Variants in SORCS3 observed in about 807,000 individuals in gnomAD.
SORCS3 encodes the protein VPS10 domain-containing receptor SorCS3.
SORCS3 carries 57 observed loss-of-function variants against 146.3 expected under a neutral mutation model. The ratio of observed to expected loss-of-function variants is 0.39; its 90% CI spans 0.31 to 0.49. The LOEUF is 0.49. Ranked by LOEUF, SORCS3 falls within the 20% of genes least tolerant of loss-of-function variation. The probability of loss-of-function intolerance (pLI) is 0.92; values close to 1 mark genes in which losing one functional copy is unlikely to be tolerated. For missense variants in SORCS3, 1,341 were observed against 1,575.5 expected (o/e 0.85, Z 2.52); for synonymous variants, 653 against 618.5 (o/e 1.06, Z -0.83).
chr10:104,954,515 G>T (rs2019466630), intron 3 of SORCS3, among the ~76,000 whole-genome samples: 1 of 152,048 alleles, frequency 6.6e-6, no homozygotes, highest in Non-Finnish European at 1.5e-5. Flanking sequence ...AGCATGAGGG[G>T]GCCTCTGCTT....
rs1458126825 is a variant in SORCS3, at chr10:105,158,919, C to A, written c.1657C>A (p.Gln553Lys). 1 of 1,612,982 alleles carries A rather than the reference C, an allele frequency of 6.2e-7. No individual in the cohort carries two copies. Among genetic ancestry groups the A allele is most frequent in the Non-Finnish European group, 8.5e-7 (1 of 1,179,164 alleles). ...CTTCTGTTCCTTACATCTGCACCTG[C>A]AACTCTCTGAAAATCCATATTCCTC... is the stretch of plus-strand genomic sequence containing the variant. ...LPFCSLHLHL[Q>K]LSENPYSSGR... The change falls in exon 11 of 27, where the codon CAA becomes AAA. Residue 553 changes from glutamine to lysine, a missense_variant. Coordinates refer to ENST00000369701, the MANE Select transcript of SORCS3 (RefSeq NM_014978.3).
intron 6 of SORCS3, among the ~76,000 whole-genome samples, chr10:105,091,280 CTTGCTTCCTTCCTTCCT>C (rs199769195): frequency 3.0e-4 from 28 of 93,870 alleles, no homozygotes; most frequent in East Asian, 1.1e-3. Flanking sequence ...TCCTTCCTTC[CTTGCTTCCTTCCTTCCT>C]TCCCTCCTTC....
chr10:104,762,619 A>G (rs1036992104), intron 1 of SORCS3, among the ~76,000 whole-genome samples: 3 of 152,148 alleles, frequency 2.0e-5, no homozygotes, highest in African/African-American at 7.2e-5. Flanking sequence ...CGAGGGAAGG[A>G]CCTGATGGGA....
intron 2 of SORCS3, among the ~76,000 whole-genome samples, chr10:104,875,098 T>C (rs1225017278): frequency 6.6e-6 from 1 of 152,138 alleles, no homozygotes; most frequent in Non-Finnish European, 1.5e-5. Flanking sequence ...ACATGTCTTA[T>C]CTTCCTTAAA....
intron 25 of SORCS3, among the ~76,000 whole-genome samples, chr10:105,260,445 A>G (rs186762966): frequency 1.6e-4 from 25 of 152,318 alleles, no homozygotes; most frequent in Admixed American, 1.6e-3. Flanking sequence ...ACATTTAGAG[A>G]GCCTAGTGTG....
chr10:104,806,058 G>T (rs1487662374), intron 1 of SORCS3, among the ~76,000 whole-genome samples: 1 of 152,076 alleles, frequency 6.6e-6, no homozygotes, highest in African/African-American at 2.4e-5. Flanking sequence ...AATATTTTTG[G>T]CCACTTTTTT....
intron 2 of SORCS3, among the ~76,000 whole-genome samples, chr10:104,873,433 A>G (rs1044671717): frequency 6.6e-6 from 1 of 152,228 alleles, no homozygotes; most frequent in African/African-American, 2.4e-5. Flanking sequence ...GAACACAGGC[A>G]ATCAACAGCC....
chr10:104,710,632 C>T (rs1250348221), intron 1 of SORCS3, among the ~76,000 whole-genome samples: 1 of 152,216 alleles, frequency 6.6e-6, no homozygotes, highest in Admixed American at 6.5e-5. Context: ...GGGAACAGCA[C>T]ATCCATGAGG....
chr10:104,977,640 G>T, intron 4 of SORCS3, 147 bp downstream of exon 4: 2 of 702,672 alleles, frequency 2.8e-6, no homozygotes, highest in Non-Finnish European at 2.2e-6. Context: ...TTTGTCTGCA[G>T]CAACTAACTT....
chr10:104,778,264 C>T (rs551339956), intron 1 of SORCS3, among the ~76,000 whole-genome samples: 1 of 152,288 alleles, frequency 6.6e-6, no homozygotes, highest in Admixed American at 6.5e-5. Flanking sequence ...AAATTCTAGG[C>T]CCGGTTCCAT....
At chr10:105,049,010 A>T (rs1014666945) in intron 5 of SORCS3, among the ~76,000 whole-genome samples, 2 of 152,002 alleles carry the variant, frequency 1.3e-5, no homozygotes, top group African/African-American at 4.8e-5. Flanking sequence ...ATTTTTGATG[A>T]TCATAAGTAA....
intron 1 of SORCS3, among the ~76,000 whole-genome samples, chr10:104,716,702 C>T (rs1365014499): frequency 6.6e-6 from 1 of 152,178 alleles, no homozygotes; most frequent in African/African-American, 2.4e-5. Context: ...CTTAATTCCT[C>T]CAGGACCTTT....
intron 3 of SORCS3, among the ~76,000 whole-genome samples, chr10:104,928,799 T>G (rs2019176835): frequency 6.6e-6 from 1 of 152,164 alleles, no homozygotes; most frequent in African/African-American, 2.4e-5. Context: ...GACATTGGCC[T>G]CAGTGACAAA....
chr10:104,836,336 TAAA>T (rs756422287), intron 1 of SORCS3, among the ~76,000 whole-genome samples: 1 of 152,020 alleles, frequency 6.6e-6, no homozygotes, highest in African/African-American at 2.4e-5. Flanking sequence ...CAGCAACCAT[TAAA>T]AAAATCACTT....
chr10:105,131,370 A>G (rs2056016941), intron 7 of SORCS3, among the ~76,000 whole-genome samples: 2 of 152,164 alleles, frequency 1.3e-5, no homozygotes, highest in African/African-American at 2.4e-5. Flanking sequence ...GATTATTCAC[A>G]TAATATTCGA....
At chr10:104,957,554 A>AACACACACACACACACACACACAC (rs10660859) in intron 3 of SORCS3, among the ~76,000 whole-genome samples, 17 of 148,370 alleles carry the variant, frequency 1.1e-4, no homozygotes, top group African/African-American at 3.7e-4. Flanking sequence ...AAGGAAAGAA[A>AACACACACACACACACACACACAC]ACACACACAC....
intron 4 of SORCS3, among the ~76,000 whole-genome samples, chr10:104,991,299 A>G (rs1381679837): frequency 2.0e-5 from 3 of 152,172 alleles, no homozygotes; most frequent in Non-Finnish European, 4.4e-5. Context: ...CTTAAACAAT[A>G]GAAATGTATG....
intron 2 of SORCS3, among the ~76,000 whole-genome samples, chr10:104,906,334 A>G (rs1446105903): frequency 6.6e-6 from 1 of 152,084 alleles, no homozygotes; most frequent in Non-Finnish European, 1.5e-5. Context: ...CAGGCCCCCC[A>G]TCCTCCCATG....
At chr10:104,806,556 A>G (rs2017681726) in intron 1 of SORCS3, among the ~76,000 whole-genome samples, 1 of 152,246 alleles carries the variant, frequency 6.6e-6, no homozygotes, top group East Asian at 1.9e-4. Context: ...TATCCTAGGG[A>G]CTTGTTCAAA....
Sources: allele counts gnomAD v4.1 joint callset (sites outside exome capture counted in the v4.1 genomes callset), GRCh38; gene constraint gnomAD v4.1.1; transcripts MANE v1.5; gene names NCBI Gene and HGNC (gene_info 2026-07-23, HGNC 2026-07-21).